DNAH7: variants seen among roughly 807,000 people sequenced by gnomAD.
The protein encoded by DNAH7 is axonemal beta dynein heavy chain 7.
In DNAH7, 397 loss-of-function variants were observed where a neutral mutation model predicts 444.6. The observed-to-expected ratio is 0.89, with a 90% confidence interval of 0.82 to 0.97. The LOEUF is 0.97. Ranked by LOEUF, DNAH7 falls within the 50% of genes least tolerant of loss-of-function variation. The pLI, the probability that DNAH7 is intolerant of heterozygous loss-of-function variation, is 0.00. For missense variants in DNAH7, 4,902 were observed against 4,800.8 expected, an observed-to-expected ratio of 1.02 and a Z score of -0.62; for synonymous variants, 1,636 against 1,624.4, an observed-to-expected ratio of 1.01 and a Z score of -0.17.
At chr2:195,794,874 G>A (rs1334817384) in intron 56 of DNAH7, among the ~76,000 whole-genome samples, 1 of 152,194 alleles carries the variant, frequency 6.6e-6, no homozygotes, top group East Asian at 1.9e-4. Flanking sequence ...AATATTTACA[G>A]AAATAATTCT....
chr2:196,044,100 C>T (rs1696941767), intron 5 of DNAH7, among the ~76,000 whole-genome samples: 1 of 151,966 alleles, frequency 6.6e-6, no homozygotes, highest in Non-Finnish European at 1.5e-5. Flanking sequence ...AAGACACTTG[C>T]ACACACGTTT....
chr2:195,778,064 A>T (rs1421706552), intron 58 of DNAH7, 79 bp from the exon 59 acceptor site: 4 of 1,298,766 alleles, frequency 3.1e-6, no homozygotes, highest in Non-Finnish European at 4.0e-6. Context: ...TCCTATTACT[A>T]AATTAAACAT....
chr2:195,958,385 A>C (rs995230550), intron 18 of DNAH7, among the ~76,000 whole-genome samples: 2 of 152,218 alleles, frequency 1.3e-5, no homozygotes, highest in Non-Finnish European at 2.9e-5. Flanking sequence ...TATATAATAC[A>C]TGTAACATTC....
At chr2:195,900,123 A>G (rs534166024) in intron 28 of DNAH7, among the ~76,000 whole-genome samples, 159 bp downstream of exon 28, 1 of 152,124 alleles carries the variant, frequency 6.6e-6, no homozygotes, top group Non-Finnish European at 1.5e-5. Flanking sequence ...TCATTATAAA[A>G]TTTTTTTCAT....
At chr2:196,035,695 G>A (rs1361604103) in intron 5 of DNAH7, among the ~76,000 whole-genome samples, 1 of 152,232 alleles carries the variant, frequency 6.6e-6, no homozygotes, top group Non-Finnish European at 1.5e-5. Flanking sequence ...ATGTAGAGAG[G>A]AAAGTAGGGC....
chr2:195,778,677 C>CATATATATACACATATATATAT (rs1695215091), intron 58 of DNAH7, among the ~76,000 whole-genome samples: 3 of 76,922 alleles, frequency 3.9e-5, no homozygotes, highest in Non-Finnish European at 6.7e-5. Flanking sequence ...TATACACACA[C>CATATATATACACATATATATAT]ACACATATAT....
At chr2:195,976,653 G>GCA (rs1399831883) in intron 15 of DNAH7, among the ~76,000 whole-genome samples, 1 of 151,888 alleles carries the variant, frequency 6.6e-6, no homozygotes, top group African/African-American at 2.4e-5. Context: ...TTCTGACCAA[G>GCA]CACAGTCCCA....
intron 19 of DNAH7, among the ~76,000 whole-genome samples, chr2:195,946,039 G>C (rs1399190213): frequency 2.0e-5 from 3 of 152,060 alleles, no homozygotes; most frequent in African/African-American, 7.2e-5. Context: ...CTGGAGATCT[G>C]GTCAGTCACC....
At chr2:195,908,431 C>A (rs1383693441) in intron 25 of DNAH7, among the ~76,000 whole-genome samples, 1 of 152,012 alleles carries the variant, frequency 6.6e-6, no homozygotes, top group African/African-American at 2.4e-5. Context: ...TCATCACACC[C>A]CTCTCCCACC....
rs201906325 is a variant in DNAH7 at position 195,972,110 on chromosome 2, G to A, written c.2058+132C>T. The A allele has an allele frequency of 3.2e-4, 221 of 699,724 alleles. 1 individual carries two copies. The East Asian group carries it at 4.4e-3, about 14-fold the overall frequency. The allele number at this position is 699,724 out of a possible 1,614,324, so 43.3% of individuals were successfully genotyped here. On this transcript the variant is annotated intron_variant, in intron 16 of 64. Coordinates refer to ENST00000312428, the MANE Select transcript of DNAH7 (RefSeq NM_018897.3). ...TTACTGTCTCCCACTAATATTTATAGTGAGATTATAGCATTATAGTATGAG... is the reference window on the plus strand; with the variant it reads ...TTACTGTCTCCCACTAATATTTATAATGAGATTATAGCATTATAGTATGAG...
intron 12 of DNAH7, among the ~76,000 whole-genome samples, chr2:195,989,149 G>T (rs536788522): frequency 1.3e-5 from 2 of 152,186 alleles, no homozygotes; most frequent in South Asian, 4.1e-4. Context: ...AATAAACATG[G>T]GAGTGCAAAT....
At position 195,771,897 on chromosome 2, in the gene DNAH7, A is replaced by G. The variant is rs370782125; in HGVS notation, c.11203-7T>C. On this transcript the variant is annotated splice_polypyrimidine_tract_variant and splice_region_variant and intron_variant, in intron 60 of 64. Coordinates refer to ENST00000312428, the MANE Select transcript of DNAH7 (RefSeq NM_018897.3). ...CAGCACCTGCTGAACGAGACTATGA[A>G]GAATCCAAACTATAACTCAAAAATC... The G allele has an allele frequency of 4.5e-5, 73 of 1,613,170 alleles. No individual in the cohort carries two copies. In the African/African-American group the frequency reaches 9.3e-4, roughly 21 times the overall value.
chr2:195,828,550 A>C (rs1162145487), intron 48 of DNAH7, among the ~76,000 whole-genome samples: 2 of 150,810 alleles, frequency 1.3e-5, no homozygotes, highest in African/African-American at 4.9e-5. Context: ...TTGACACTGT[A>C]CTCCAGCCTG....
chr2:195,950,167 C>T (rs1690122873), intron 19 of DNAH7, among the ~76,000 whole-genome samples: 1 of 152,154 alleles, frequency 6.6e-6, no homozygotes, highest in Non-Finnish European at 1.5e-5. Flanking sequence ...GGAACAGTTT[C>T]AAAAGGAATG....
intron 1 of DNAH7, among the ~76,000 whole-genome samples, chr2:196,066,161 T>C (rs566712760): frequency 1.3e-5 from 2 of 152,354 alleles, no homozygotes; most frequent in Admixed American, 6.5e-5. Flanking sequence ...GTCATAAACC[T>C]GGGATAGCCC....
chr2:196,027,163 T>G (rs181238524), intron 6 of DNAH7, among the ~76,000 whole-genome samples: 274 of 152,262 alleles, frequency 1.8e-3, no homozygotes, highest in Admixed American at 3.3e-3. Context: ...ATAACTATAC[T>G]GTAAAACATC....
At chr2:195,783,522 C>T (rs1559093542) in intron 58 of DNAH7, among the ~76,000 whole-genome samples, 1 of 152,144 alleles carries the variant, frequency 6.6e-6, no homozygotes, top group Non-Finnish European at 1.5e-5. Context: ...TCTTCCTTCT[C>T]TGGGTGTGTT....
At chr2:195,758,870 A>G (rs553216969) in intron 61 of DNAH7, among the ~76,000 whole-genome samples, 1 of 152,332 alleles carries the variant, frequency 6.6e-6, no homozygotes, top group Admixed American at 6.5e-5. Context: ...GGAAGCACAC[A>G]TCCCAGCAGT....
At chr2:196,002,760 C>A (rs1239119811) in intron 10 of DNAH7, among the ~76,000 whole-genome samples, 1 of 152,018 alleles carries the variant, frequency 6.6e-6, no homozygotes, top group Non-Finnish European at 1.5e-5. Flanking sequence ...GTAGTCTCAC[C>A]ACTTTGGGAG....
Sources: gnomAD v4.1 joint callset for allele counts (sites outside exome capture counted in the v4.1 genomes callset) on GRCh38, gnomAD v4.1.1 for gene constraint, MANE v1.5 for transcripts, NCBI Gene and HGNC (gene_info 2026-07-23, HGNC 2026-07-21) for gene names.